DENND1B: variants seen among roughly 807,000 people sequenced by gnomAD.
DENND1B encodes the protein DENN domain-containing protein 1B.
In DENND1B, 59 loss-of-function variants were observed where a neutral mutation model predicts 90.1. The observed-to-expected ratio is 0.65, with a 90% CI of 0.53 to 0.81. DENND1B has a LOEUF of 0.81. Ranked by LOEUF, DENND1B falls within the 40% of genes least tolerant of loss-of-function variation. The pLI, the probability that DENND1B is intolerant of heterozygous loss-of-function variation, is 0.00. For synonymous variants in DENND1B, 337 were observed against 324.6 expected, an observed-to-expected ratio of 1.04 and a Z score of -0.41; for missense variants, 862 against 912.6, an observed-to-expected ratio of 0.94 and a Z score of 0.71.
chr1:197,632,810 C>T lies in DENND1B; in HGVS notation c.672+9901G>A, dbSNP rs547956213. Among the ~76,000 whole-genome samples the T allele has an allele frequency of 3.9e-5, 6 of 152,248 alleles. No homozygotes were observed. In the South Asian group the frequency reaches 1.2e-3, roughly 32 times the overall value. The stretch of plus-strand genomic sequence containing the variant: ...ACTGGGGTACCATATGCCACTGAAT[C>T]AACAGGCTGAAAAAGAGGAAGTTAA... On this transcript the variant is annotated intron_variant, in intron 10 of 22. Transcript: ENST00000620048.
At chr1:197,772,497 T>C in intron 2 of DENND1B, among the ~76,000 whole-genome samples, 1 of 152,190 alleles carries the variant, frequency 6.6e-6, no homozygotes, top group Non-Finnish European at 1.5e-5. Context: ...TATTAACACT[T>C]GCTTTGACAG....
intron 3 of DENND1B, among the ~76,000 whole-genome samples, chr1:197,701,830 A>G (rs1311868225): frequency 6.6e-6 from 1 of 152,068 alleles, no homozygotes; most frequent in East Asian, 1.9e-4. Flanking sequence ...TTTCATCTCT[A>G]ATTTAAGAGT....
chr1:197,577,319 A>C (rs1419707541), intron 15 of DENND1B, among the ~76,000 whole-genome samples: 1 of 152,176 alleles, frequency 6.6e-6, no homozygotes, highest in Non-Finnish European at 1.5e-5. Context: ...ACAATGTATA[A>C]ATGTTTTGGA....
rs1667762342 is a variant in DENND1B at position 197,507,059 on chromosome 1, G to C, written c.*3401C>G. On this transcript the variant is annotated 3_prime_UTR_variant, in exon 23 of 23. Coordinates refer to ENST00000620048, the MANE Select transcript of DENND1B (RefSeq NM_001195215.2). Reference sequence around the variant, plus strand: ...AATGATACTATGGTTCATACTTAGAGCATGCTTTAAATTAAGCAGCCAGTT... The same window carrying C: ...AATGATACTATGGTTCATACTTAGACCATGCTTTAAATTAAGCAGCCAGTT... The C allele has an allele frequency of 6.6e-6, 1 of 150,980 alleles. No homozygotes were observed. 9.4% of individuals were successfully genotyped at this position (150,980 alleles called of 1,614,324 possible).
At chr1:197,769,221 A>C (rs1656099539) in intron 2 of DENND1B, among the ~76,000 whole-genome samples, 1 of 152,210 alleles carries the variant, frequency 6.6e-6, no homozygotes, top group South Asian at 2.1e-4. Context: ...AAGCATTTTA[A>C]TTGATTTCTC....
intron 2 of DENND1B, among the ~76,000 whole-genome samples, chr1:197,715,673 C>G (rs938254981): frequency 1.3e-5 from 2 of 151,580 alleles, no homozygotes; most frequent in African/African-American, 4.8e-5. Context: ...GGGCATTTCA[C>G]AGAAATTTTT....
intron 16 of DENND1B, among the ~76,000 whole-genome samples, chr1:197,551,109 AC>A (rs1671202744): frequency 1.5e-5 from 2 of 133,956 alleles, no homozygotes; most frequent in Non-Finnish European, 3.3e-5. Flanking sequence ...ACACACACAC[AC>A]ACCCCCTAGA....
intron 2 of DENND1B, among the ~76,000 whole-genome samples, chr1:197,762,595 A>G (rs1002068127): frequency 2.0e-5 from 3 of 152,150 alleles, no homozygotes; most frequent in Admixed American, 2.0e-4. Flanking sequence ...ACAATCCCTA[A>G]TACAATACAA....
At chr1:197,754,807 C>T (rs887416708) in intron 2 of DENND1B, among the ~76,000 whole-genome samples, 3 of 151,674 alleles carry the variant, frequency 2.0e-5, no homozygotes, top group Non-Finnish European at 4.4e-5. Context: ...AATGCATATT[C>T]ATGCAAATAT....
At chr1:197,563,624 T>A (rs1672362196) in intron 15 of DENND1B, among the ~76,000 whole-genome samples, 1 of 152,022 alleles carries the variant, frequency 6.6e-6, no homozygotes, top group Non-Finnish European at 1.5e-5. Context: ...GTTGTTTTCA[T>A]GCCTGCTAAA....
At chr1:197,632,500 T>C (rs1026891526) in intron 10 of DENND1B, among the ~76,000 whole-genome samples, 4 of 152,180 alleles carry the variant, frequency 2.6e-5, no homozygotes, top group African/African-American at 9.7e-5. Flanking sequence ...TCTCCCATGT[T>C]AGAATTTTTA....
chr1:197,758,527 A>G (rs559365443), intron 2 of DENND1B, among the ~76,000 whole-genome samples: 1 of 152,230 alleles, frequency 6.6e-6, no homozygotes, highest in Non-Finnish European at 1.5e-5. Context: ...AATTAGAGAT[A>G]TGCAGTGCAA....
intron 18 of DENND1B, among the ~76,000 whole-genome samples, chr1:197,542,314 T>A (rs1670392637): frequency 6.6e-6 from 1 of 152,096 alleles, no homozygotes; most frequent in African/African-American, 2.4e-5. Context: ...ATGAAAAGCA[T>A]AGGAAAAAAA....
intron 14 of DENND1B, among the ~76,000 whole-genome samples, chr1:197,591,695 C>G (rs1265428663): frequency 6.6e-6 from 1 of 152,184 alleles, no homozygotes; most frequent in Admixed American, 6.5e-5. Context: ...CCTATACCAC[C>G]TGTTTCCATT....
chr1:197,610,880 T>G (rs866929365), intron 12 of DENND1B, among the ~76,000 whole-genome samples: 1 of 151,038 alleles, frequency 6.6e-6, no homozygotes, highest in African/African-American at 2.4e-5. Context: ...ATGTTTTTTT[T>G]GTTATTGTTG....
In DENND1B at chr1:197,642,762, G is replaced by C; in HGVS notation, c.621C>G (p.Ala207=). The change falls in exon 10 of 23, where the codon GCC becomes GCG. Residue 207 remains alanine (A), a synonymous_variant. Coordinates refer to ENST00000620048, the MANE Select transcript of DENND1B (RefSeq NM_001195215.2). ...VDVNNMLQLY[A]SMLHERRIVI... ...CGATGCGCCTTTCATGCAGCATACT[G>C]GCATACAGCTGCAGCATGTTGTTCA... 1 of 1,613,558 alleles carries C rather than the reference G, an allele frequency of 6.2e-7. No individual in the cohort carries two copies. The highest frequency in any genetic ancestry group is 8.5e-7 in the Non-Finnish European group (1 of 1,179,788).
At chr1:197,651,688 C>T (rs1653206437) in intron 7 of DENND1B, among the ~76,000 whole-genome samples, 2 of 112,866 alleles carry the variant, frequency 1.8e-5, no homozygotes, top group African/African-American at 3.5e-5. Flanking sequence ...CTGAGTCTCA[C>T]TCTGTCACCC....
chr1:197,543,142 C>T (rs113839531), intron 18 of DENND1B, among the ~76,000 whole-genome samples: 2 of 152,014 alleles, frequency 1.3e-5, no homozygotes, highest in South Asian at 4.1e-4. Flanking sequence ...ACCATGTTGG[C>T]CAGGCTGGTC....
chr1:197,774,792 C>G, intron 1 of DENND1B, among the ~76,000 whole-genome samples: 1 of 152,244 alleles, frequency 6.6e-6, no homozygotes, highest in East Asian at 1.9e-4. Flanking sequence ...AGAGTCACAT[C>G]TGACACACTC....
Sources: allele counts gnomAD v4.1 joint callset (sites outside exome capture counted in the v4.1 genomes callset), GRCh38; gene constraint gnomAD v4.1.1; transcripts MANE v1.5; gene names NCBI Gene and HGNC (gene_info 2026-07-23, HGNC 2026-07-21).